Variants in QTMAN observed in about 807,000 individuals in gnomAD.
QTMAN encodes the protein queuosine-tRNA mannosyltransferase, also known as tRNA-queuosine alpha-mannosyltransferase.
At chr2:144,286,499 G>A in the QTMAN span, among the ~76,000 whole-genome samples, 83 of 152,166 alleles carry the variant, frequency 5.5e-4, no homozygotes, top group Non-Finnish European at 1.2e-3. Context: ...AGCATTCTGA[G>A]CTACTTCATT....
the QTMAN span, among the ~76,000 whole-genome samples, chr2:144,301,099 T>G: frequency 1.9e-3 from 293 of 152,336 alleles, 1 homozygote; most frequent in Non-Finnish European, 3.2e-3. Flanking sequence ...TTTAAAAAAA[T>G]CTGATTAAAA....
At chr2:144,209,958 C>T in the QTMAN span, among the ~76,000 whole-genome samples, 2 of 144,958 alleles carry the variant, frequency 1.4e-5, no homozygotes, top group African/African-American at 5.1e-5. Flanking sequence ...GTAATGGCTA[C>T]TTAAATTGCA....
the QTMAN span, among the ~76,000 whole-genome samples, chr2:144,332,783 G>T: frequency 1.3e-5 from 2 of 152,132 alleles, no homozygotes; most frequent in East Asian, 3.9e-4. Flanking sequence ...CTCCCTGTGC[G>T]CCCTTTCCCA....
chr2:144,310,432 A>G, the QTMAN span, among the ~76,000 whole-genome samples: 8 of 152,248 alleles, frequency 5.3e-5, no homozygotes, highest in African/African-American at 1.9e-4. Flanking sequence ...GAAAGAAAAC[A>G]AATGAAGCTT....
At chr2:143,999,675 T>C in the QTMAN span, among the ~76,000 whole-genome samples, 1 of 152,022 alleles carries the variant, frequency 6.6e-6, no homozygotes, top group Non-Finnish European at 1.5e-5. Context: ...CCCCTGACTA[T>C]GATGTTAAGT....
the QTMAN span, among the ~76,000 whole-genome samples, chr2:144,278,616 G>T: frequency 6.6e-6 from 1 of 151,220 alleles, no homozygotes; most frequent in East Asian, 1.9e-4. Flanking sequence ...GTGACTTCTG[G>T]AGTAATGACA....
At chr2:144,097,466 T>C in the QTMAN span, among the ~76,000 whole-genome samples, 2 of 152,288 alleles carry the variant, frequency 1.3e-5, no homozygotes, top group East Asian at 1.9e-4. Flanking sequence ...CTTAACTGTC[T>C]CTGTGGTTTC....
At chr2:144,220,600 T>C in the QTMAN span, among the ~76,000 whole-genome samples, 1 of 152,322 alleles carries the variant, frequency 6.6e-6, no homozygotes, top group Admixed American at 6.5e-5. Context: ...CACCATCTCT[T>C]AAAGTAATTT....
chr2:144,247,590 G>A, the QTMAN span, among the ~76,000 whole-genome samples: 7 of 152,180 alleles, frequency 4.6e-5, no homozygotes, highest in African/African-American at 1.2e-4. Flanking sequence ...ATAGCAATGT[G>A]TATATATGTA....
chr2:144,109,073 G>A, the QTMAN span, among the ~76,000 whole-genome samples: 123 of 152,160 alleles, frequency 8.1e-4, no homozygotes, highest in African/African-American at 2.7e-3. Flanking sequence ...TTTAAAGTTC[G>A]TATGGAACCA....
At chr2:144,296,198 C>T in the QTMAN span, among the ~76,000 whole-genome samples, 1 of 152,060 alleles carries the variant, frequency 6.6e-6, no homozygotes, top group African/African-American at 2.4e-5. Context: ...CGAAAATGCC[C>T]AAGATAGGAA....
chr2:144,118,682 G>C, the QTMAN span, among the ~76,000 whole-genome samples: 1 of 152,230 alleles, frequency 6.6e-6, no homozygotes, highest in South Asian at 2.1e-4. Context: ...ACGAGATCAA[G>C]ACCATCCTGG....
At chr2:144,325,888 G>C in the QTMAN span, among the ~76,000 whole-genome samples, 6 of 152,306 alleles carry the variant, frequency 3.9e-5, no homozygotes, top group Admixed American at 3.9e-4. Flanking sequence ...ACTTGTTACA[G>C]ACATGGTAAT....
At chr2:144,326,948 T>C in the QTMAN span, among the ~76,000 whole-genome samples, 1 of 152,130 alleles carries the variant, frequency 6.6e-6, no homozygotes, top group Non-Finnish European at 1.5e-5. Flanking sequence ...ATTCCATGCA[T>C]GGTTCCTGGC....
chr2:144,234,201 C>T, the QTMAN span, among the ~76,000 whole-genome samples: 1 of 152,060 alleles, frequency 6.6e-6, no homozygotes, highest in Non-Finnish European at 1.5e-5. Flanking sequence ...AACCACAAAT[C>T]ATCGAAAAAG....
At chr2:144,122,832 C>G in the QTMAN span, among the ~76,000 whole-genome samples, 1 of 152,114 alleles carries the variant, frequency 6.6e-6, no homozygotes, top group Non-Finnish European at 1.5e-5. Flanking sequence ...AGGTTGCTAC[C>G]TGGGCATAAA....
At chr2:144,262,613 G>C in the QTMAN span, among the ~76,000 whole-genome samples, 7 of 105,082 alleles carry the variant, frequency 6.7e-5, no homozygotes, top group Non-Finnish European at 1.2e-4. Flanking sequence ...GGGGAGGGGA[G>C]ATAGGAGAGG....
At chr2:144,141,988 T>C in the QTMAN span, 4 of 1,610,852 alleles carry the variant, frequency 2.5e-6, no homozygotes, top group Non-Finnish European at 3.4e-6. Context: ...TTCATAAATT[T>C]TCCCATGGAA....
At chr2:144,313,618 C>T in the QTMAN span, among the ~76,000 whole-genome samples, 1 of 151,894 alleles carries the variant, frequency 6.6e-6, no homozygotes, top group Non-Finnish European at 1.5e-5. Flanking sequence ...CATGAAGAGC[C>T]AACTGTTTAC....
Sources: gnomAD v4.1 joint callset for allele counts (sites outside exome capture counted in the v4.1 genomes callset) on GRCh38, gnomAD v4.1.1 for gene constraint, MANE v1.5 for transcripts, NCBI Gene and HGNC (gene_info 2026-07-23, HGNC 2026-07-21) for gene names.